Variants in ARLN observed in about 807,000 individuals in gnomAD.
The protein encoded by ARLN is allregulin.
chr4:119,297,391 C>G, the ARLN span: 1 of 152,208 alleles, frequency 6.6e-6, no homozygotes, highest in Non-Finnish European at 1.5e-5. Flanking sequence ...CTGAATGCAA[C>G]TAATTTAAAC....
the ARLN span, among the ~76,000 whole-genome samples, chr4:119,303,756 C>T: frequency 1.3e-5 from 2 of 152,162 alleles, no homozygotes; most frequent in Admixed American, 1.3e-4. Flanking sequence ...TGGTGGCACA[C>T]ACCTGTAGTC....
At chr4:119,297,216 A>T in the ARLN span, 1 of 152,216 alleles carries the variant, frequency 6.6e-6, no homozygotes, top group East Asian at 1.9e-4. Context: ...ACAACACCTT[A>T]AAAGCATAAT....
the ARLN span, among the ~76,000 whole-genome samples, chr4:119,302,232 T>G: frequency 1.3e-5 from 2 of 152,206 alleles, no homozygotes; most frequent in Non-Finnish European, 2.9e-5. Context: ...AACTTGTCTT[T>G]GGCCCAGAGT....
At chr4:119,300,902 T>G in the ARLN span, 3 of 1,124,680 alleles carry the variant, frequency 2.7e-6, no homozygotes, top group Non-Finnish European at 2.4e-6. Flanking sequence ...TCCCTGAAAC[T>G]GCACGAGGTC....
the ARLN span, chr4:119,300,815 C>G: frequency 6.9e-7 from 1 of 1,438,884 alleles, no homozygotes; most frequent in East Asian, 2.5e-5. Flanking sequence ...AGGCAGATAG[C>G]TGGTTATTCA....
the ARLN span, chr4:119,297,870 CATTTAG>C: frequency 6.6e-6 from 1 of 152,564 alleles, no homozygotes; most frequent in Non-Finnish European, 1.5e-5. Context: ...TGTTTTATAA[CATTTAG>C]ATTTAAATAA....
chr4:119,300,257 T>G, the ARLN span: 1 of 1,165,280 alleles, frequency 8.6e-7, no homozygotes, highest in Non-Finnish European at 1.2e-6. Flanking sequence ...TCTCTGGAAT[T>G]CAGTCCCCTC....
the ARLN span, among the ~76,000 whole-genome samples, chr4:119,298,945 A>ACT: frequency 6.6e-6 from 1 of 152,194 alleles, no homozygotes; most frequent in Non-Finnish European, 1.5e-5. Context: ...ACACACACAC[A>ACT]CAAAACCCAC....
chr4:119,297,425 C>T, the ARLN span: 1 of 152,216 alleles, frequency 6.6e-6, no homozygotes, highest in Admixed American at 6.5e-5. Flanking sequence ...TACCATTCCT[C>T]ATGTAAAGCC....
the ARLN span, among the ~76,000 whole-genome samples, chr4:119,303,610 G>A: frequency 3.9e-5 from 6 of 152,070 alleles, no homozygotes; most frequent in Non-Finnish European, 7.4e-5. Context: ...TCTGCTGGGC[G>A]CTGTTGTTCA....
At chr4:119,301,108 A>G in the ARLN span, among the ~76,000 whole-genome samples, 1 of 151,870 alleles carries the variant, frequency 6.6e-6, no homozygotes. Flanking sequence ...AGGTACTTCA[A>G]GGGAGTGGGT....
At chr4:119,296,992 CTG>C in the ARLN span, 2 of 152,194 alleles carry the variant, frequency 1.3e-5, no homozygotes, top group Admixed American at 1.3e-4. Flanking sequence ...TATGTGAGAA[CTG>C]TTAATCACCT....
chr4:119,298,913 T>A, the ARLN span: 50 of 551,554 alleles, frequency 9.1e-5, no homozygotes, highest in Non-Finnish European at 1.5e-4. Flanking sequence ...TATCCAGAGC[T>A]GAAAGTTCAG....
chr4:119,300,518 C>T, the ARLN span: 2 of 1,614,174 alleles, frequency 1.2e-6, no homozygotes, highest in Non-Finnish European at 1.7e-6. Flanking sequence ...CATCAACACC[C>T]GGTGCGTCCA....
At chr4:119,298,635 A>G in the ARLN span, 1 of 542,206 alleles carries the variant, frequency 1.8e-6, no homozygotes, top group South Asian at 3.1e-5. Flanking sequence ...CAAATTAGTA[A>G]CAAAGTGTAA....
the ARLN span, among the ~76,000 whole-genome samples, chr4:119,303,231 CTTTTTT>C: frequency 5.4e-5 from 6 of 111,342 alleles, no homozygotes; most frequent in Non-Finnish European, 7.3e-5. Flanking sequence ...CTCTTCAATT[CTTTTTT>C]TTTTTTTTTT....
the ARLN span, among the ~76,000 whole-genome samples, chr4:119,303,231 CTTTTTTTT>C: frequency 1.8e-5 from 2 of 111,366 alleles, no homozygotes; most frequent in African/African-American, 3.4e-5. Context: ...CTCTTCAATT[CTTTTTTTT>C]TTTTTTTTTT....
chr4:119,300,969 C>G, the ARLN span: 4 of 632,812 alleles, frequency 6.3e-6, no homozygotes, highest in South Asian at 9.8e-5. Context: ...TAGGAAGGCC[C>G]CCTCTGGTGG....
chr4:119,300,687 C>A, the ARLN span: 3 of 1,535,204 alleles, frequency 2.0e-6, no homozygotes, highest in African/African-American at 2.7e-5. Flanking sequence ...ACCTACTCTT[C>A]CCAGCGCGCA....
Sources: gnomAD v4.1 joint callset for allele counts (sites outside exome capture counted in the v4.1 genomes callset) on GRCh38, gnomAD v4.1.1 for gene constraint, MANE v1.5 for transcripts, NCBI Gene and HGNC (gene_info 2026-07-23, HGNC 2026-07-21) for gene names.